NCKAP5: variants seen among roughly 807,000 people sequenced by gnomAD.
The protein encoded by NCKAP5 is NCK associated protein 5.
In NCKAP5, 92 loss-of-function variants were observed where a neutral mutation model predicts 167.0. The observed-to-expected ratio is 0.55, with a 90% CI of 0.47 to 0.66. The LOEUF is 0.66. NCKAP5 is among the 30% of genes least tolerant of loss of function. The probability of loss-of-function intolerance (pLI) is 0.00; values close to 1 mark genes in which losing one functional copy is unlikely to be tolerated. For missense variants in NCKAP5, 2,378 were observed against 2,315.0 expected (o/e 1.03, Z -0.56); for synonymous variants, 891 against 877.4 (o/e 1.02, Z -0.27).
chr2:133,568,257 G>A lies in NCKAP5; in HGVS notation c.-171C>T, dbSNP rs1262597309. The A allele has an allele frequency of 1.3e-5, 2 of 152,176 alleles. No individual in the cohort carries two copies. The highest frequency in any genetic ancestry group is 2.4e-5 in the African/African-American group (1 of 41,450). The allele number at this position is 152,176 out of a possible 1,614,324, so 9.4% of individuals were successfully genotyped here. A position where few individuals can be genotyped will look rare whatever the true frequency, so the allele number is the denominator to read the frequency against. ...AGTCAACACATATCACAGTCCTGGA[G>A]ACAGACACAGGAACTACAACTCTCT... On this transcript the variant is annotated 5_prime_UTR_variant, in exon 1 of 20. Transcript: ENST00000409261.
intron 4 of NCKAP5, among the ~76,000 whole-genome samples, chr2:133,230,796 G>A (rs368114265): frequency 7.9e-5 from 12 of 152,238 alleles, no homozygotes; most frequent in African/African-American, 2.9e-4. Flanking sequence ...CCATATGTAG[G>A]AGGCAATTTT....
chr2:133,463,731 T>G (rs1249405206), intron 3 of NCKAP5, among the ~76,000 whole-genome samples: 3 of 152,218 alleles, frequency 2.0e-5, no homozygotes, highest in African/African-American at 7.2e-5. Flanking sequence ...CCAAATGAAG[T>G]GTTTGCTTTG....
At position 133,332,640 on chromosome 2, in the gene NCKAP5, T is replaced by C. The variant is rs138509562; in HGVS notation, c.70-29530A>G. On this transcript the variant is annotated intron_variant, in intron 3 of 19. Coordinates refer to ENST00000409261, the MANE Select transcript of NCKAP5 (RefSeq NM_207363.3). ...ATGTCCACTGTATTTGAAAAGAAAA[T>C]TTTTAAGGATTCTGAGATTAATGAT... Among the ~76,000 whole-genome samples the C allele has an allele frequency of 7.9e-3, 1,208 of 152,228 alleles. 18 individuals are homozygous for C. The highest frequency in any genetic ancestry group is 0.025 in the African/African-American group (1,059 of 41,536).
At position 132,731,782 on chromosome 2, in the gene NCKAP5, C is replaced by T. The variant is rs755646556; in HGVS notation, c.5398G>A (p.Gly1800Arg). The T allele has an allele frequency of 3.1e-6, 5 of 1,613,562 alleles. No homozygotes were observed. Among genetic ancestry groups the T allele is most frequent in the Admixed American group, 1.7e-5 (1 of 60,004 alleles). ...STSDPIMTAR[G>R]MRPLQSRLPK... Reference sequence around the variant, plus strand: ...AGGCGGCTCTGAAGAGGCCTCATCCCTCTGGCGGTCATGATGGGGTCGGAT... The same window carrying T: ...AGGCGGCTCTGAAGAGGCCTCATCCTTCTGGCGGTCATGATGGGGTCGGAT... The change falls in exon 17 of 20, where the codon GGG (glycine) becomes AGG (arginine). Residue 1800 changes from glycine to arginine, a missense_variant. Physicochemically the swap from Gly to Arg is moderately radical, Grantham distance 125 (BLOSUM62 -2). Coordinates refer to ENST00000409261, the MANE Select transcript of NCKAP5 (RefSeq NM_207363.3).
chr2:133,312,465 C>T (rs1016955568), intron 3 of NCKAP5, among the ~76,000 whole-genome samples: 1 of 152,198 alleles, frequency 6.6e-6, no homozygotes, highest in Non-Finnish European at 1.5e-5. Context: ...GTCTCCTGTG[C>T]TTCTTGGGGT....
chr2:133,399,659 A>G (rs1200546833), intron 3 of NCKAP5, among the ~76,000 whole-genome samples: 2 of 152,212 alleles, frequency 1.3e-5, no homozygotes, highest in African/African-American at 4.8e-5. Flanking sequence ...ACCTTCAATA[A>G]TATTTAGAAA....
intron 16 of NCKAP5, among the ~76,000 whole-genome samples, chr2:132,761,688 T>C (rs1438141300): frequency 1.3e-5 from 2 of 152,250 alleles, no homozygotes; most frequent in Non-Finnish European, 2.9e-5. Context: ...CATTTAAACA[T>C]ATATCATATG....
chr2:132,866,035 C>A (rs1201116813), intron 10 of NCKAP5, among the ~76,000 whole-genome samples: 1 of 152,138 alleles, frequency 6.6e-6, no homozygotes, highest in Non-Finnish European at 1.5e-5. Context: ...CAGGTACAAG[C>A]TATAAAATTG....
chr2:133,308,195 T>G (rs1680935225), intron 3 of NCKAP5, among the ~76,000 whole-genome samples: 1 of 149,434 alleles, frequency 6.7e-6, no homozygotes, highest in African/African-American at 2.5e-5. Flanking sequence ...TTCACGCCAT[T>G]CTCCCACCTC....
the NCKAP5 span, among the ~76,000 whole-genome samples, chr2:133,650,149 A>G: frequency 6.6e-6 from 1 of 152,204 alleles, no homozygotes; most frequent in African/African-American, 2.4e-5. Flanking sequence ...ACCTAGGAAT[A>G]GACCTAAGGA....
intron 2 of NCKAP5, among the ~76,000 whole-genome samples, chr2:133,524,432 C>A (rs1470741176): frequency 6.6e-6 from 1 of 152,180 alleles, no homozygotes; most frequent in African/African-American, 2.4e-5. Flanking sequence ...GCTGATCCTT[C>A]TTTTCATTAA....
At chr2:133,196,581 G>C (rs1336508019) in intron 5 of NCKAP5, among the ~76,000 whole-genome samples, 3 of 152,180 alleles carry the variant, frequency 2.0e-5, no homozygotes, top group Non-Finnish European at 2.9e-5. Context: ...TCTATCTAAG[G>C]ATTCTGGAAA....
At chr2:132,874,669 C>G (rs1009072488) in intron 9 of NCKAP5, among the ~76,000 whole-genome samples, 1 of 152,162 alleles carries the variant, frequency 6.6e-6, no homozygotes, top group Non-Finnish European at 1.5e-5. Flanking sequence ...ACCGTCGTCA[C>G]TGACTGTAAG....
chr2:132,741,823 C>G (rs1319176551), intron 16 of NCKAP5, among the ~76,000 whole-genome samples: 2 of 152,056 alleles, frequency 1.3e-5, no homozygotes, highest in African/African-American at 2.4e-5. Context: ...TGCCCATTCT[C>G]TAACAAAATT....
chr2:133,467,601 G>T (rs369029741), intron 3 of NCKAP5, among the ~76,000 whole-genome samples: 1 of 150,164 alleles, frequency 6.7e-6, no homozygotes, highest in Non-Finnish European at 1.5e-5. Context: ...GTTCCTCCTT[G>T]TACCTCTGGT....
intron 11 of NCKAP5, among the ~76,000 whole-genome samples, chr2:132,804,061 AAAACAAACAAAC>A (rs3043673): frequency 6.6e-5 from 10 of 152,000 alleles, no homozygotes; most frequent in Admixed American, 1.3e-4. Flanking sequence ...AAGTCTTTAC[AAAACAAACAAAC>A]AAACAAACAA....
chr2:133,639,497 C>G, the NCKAP5 span, among the ~76,000 whole-genome samples: 1 of 152,130 alleles, frequency 6.6e-6, no homozygotes, highest in South Asian at 2.1e-4. Flanking sequence ...TCATAGTTTT[C>G]CAAACTTCCA....
intron 7 of NCKAP5, among the ~76,000 whole-genome samples, chr2:132,983,018 T>G (rs955863921): frequency 1.2e-4 from 18 of 152,206 alleles, no homozygotes; most frequent in African/African-American, 4.1e-4. Context: ...GTTTTCTTTG[T>G]GGAGATCTTC....
intron 8 of NCKAP5, among the ~76,000 whole-genome samples, chr2:132,955,273 C>A (rs1192627007): frequency 3.9e-5 from 6 of 152,128 alleles, no homozygotes; most frequent in African/African-American, 1.4e-4. Flanking sequence ...TCAGGGGAGC[C>A]CTCAAAGGTG....
Sources: allele counts gnomAD v4.1 joint callset (sites outside exome capture counted in the v4.1 genomes callset), GRCh38; gene constraint gnomAD v4.1.1; transcripts MANE v1.5; gene names NCBI Gene and HGNC (gene_info 2026-07-23, HGNC 2026-07-21).